The following EIF4G3 variants were observed in gnomAD, a reference collection of about 807,000 sequenced individuals.
EIF4G3 encodes eIF-4-gamma 3.
In EIF4G3, 34 loss-of-function variants were observed where a neutral mutation model predicts 186.4. The ratio of observed to expected loss-of-function variants is 0.18; its 90% CI spans 0.14 to 0.24. The LOEUF is 0.24. Ranked by LOEUF, EIF4G3 falls within the 10% of genes least tolerant of loss-of-function variation. The pLI is 1.00. For missense variants in EIF4G3, 1,536 were observed against 1,948.5 expected, an observed-to-expected ratio of 0.79 and a Z score of 3.99; for synonymous variants, 673 against 679.5, an observed-to-expected ratio of 0.99 and a Z score of 0.15.
intron 29 of EIF4G3, among the ~76,000 whole-genome samples, chr1:20,844,405 T>C (rs1571501377): frequency 6.6e-6 from 1 of 152,208 alleles, no homozygotes; most frequent in Admixed American, 6.5e-5. Context: ...ATCAGTGATA[T>C]TGAGCTTTTT....
intron 12 of EIF4G3, among the ~76,000 whole-genome samples, chr1:20,959,448 G>A (rs1483593363): frequency 6.6e-6 from 1 of 151,710 alleles, no homozygotes; most frequent in Non-Finnish European, 1.5e-5. Flanking sequence ...AGATAACATT[G>A]GAAAAAACTC....
At chr1:21,168,946 G>A (rs2097908048) in intron 2 of EIF4G3, among the ~76,000 whole-genome samples, 1 of 152,142 alleles carries the variant, frequency 6.6e-6, no homozygotes, top group Non-Finnish European at 1.5e-5. Context: ...GGGAGGCCAA[G>A]GTGAGCAGGT....
chr1:21,015,899 C>T (rs560581086), intron 4 of EIF4G3, among the ~76,000 whole-genome samples: 2 of 151,926 alleles, frequency 1.3e-5, no homozygotes, highest in Non-Finnish European at 2.9e-5. Context: ...ATAAGACATG[C>T]CCTACAAGAA....
intron 18 of EIF4G3, among the ~76,000 whole-genome samples, chr1:20,892,119 C>T (rs1445586254): frequency 6.6e-6 from 1 of 152,116 alleles, no homozygotes; most frequent in African/African-American, 2.4e-5. Context: ...TGTTTTCAGA[C>T]AATGTAGTCT....
intron 13 of EIF4G3, among the ~76,000 whole-genome samples, chr1:20,943,967 A>T (rs1216109082): frequency 6.1e-5 from 4 of 65,376 alleles, no homozygotes; most frequent in African/African-American, 2.3e-4. Flanking sequence ...ACTTGTCTTT[A>T]TTTTTTTTGT....
intron 6 of EIF4G3, among the ~76,000 whole-genome samples, chr1:20,998,475 T>C (rs1427372472): frequency 1.3e-5 from 2 of 152,160 alleles, no homozygotes. Context: ...CAAAGAAATG[T>C]AATTCCTCAG....
intron 30 of EIF4G3, among the ~76,000 whole-genome samples, chr1:20,835,300 C>T (rs941608786): frequency 6.6e-6 from 1 of 151,938 alleles, no homozygotes; most frequent in Non-Finnish European, 1.5e-5. Flanking sequence ...AACAATATAC[C>T]ATTCATTACA....
chr1:20,870,707 C>A (rs1030423029), intron 20 of EIF4G3, among the ~76,000 whole-genome samples: 1 of 152,212 alleles, frequency 6.6e-6, no homozygotes, highest in Non-Finnish European at 1.5e-5. Flanking sequence ...GACAACATTT[C>A]TCTTGTCCAC....
Position 20,838,742 on chromosome 1 carries a change from G to A in EIF4G3, c.4061+2114C>T, listed in dbSNP as rs1366809979. Among the ~76,000 whole-genome samples, 3 of 152,110 alleles carry A rather than the reference G, an allele frequency of 2.0e-5. No individual in the cohort carries two copies. The East Asian group carries it at 5.8e-4, about 29-fold the overall frequency. On this transcript the variant is annotated intron_variant, in intron 30 of 36. Transcript: ENST00000602326. ...GTCACCTAGGCTGGAGTGCAGTGGTGTGATCATGGCTTACTGCAGTCTGGA... is the reference window on the plus strand; with the variant it reads ...GTCACCTAGGCTGGAGTGCAGTGGTATGATCATGGCTTACTGCAGTCTGGA...
chr1:21,129,118 GC>G (rs1387428017), intron 2 of EIF4G3, among the ~76,000 whole-genome samples: 1 of 151,700 alleles, frequency 6.6e-6, no homozygotes, highest in Admixed American at 6.6e-5. Flanking sequence ...TTCAAGACCA[GC>G]CTGGCCAACA....
intron 14 of EIF4G3, among the ~76,000 whole-genome samples, chr1:20,932,317 A>G (rs2095347906): frequency 6.6e-6 from 1 of 152,168 alleles, no homozygotes; most frequent in African/African-American, 2.4e-5. Context: ...AACTTTCTCC[A>G]TGTCAGCAAA....
intron 4 of EIF4G3, among the ~76,000 whole-genome samples, chr1:21,024,900 T>TAAA (rs1421695930): frequency 9.0e-6 from 1 of 111,426 alleles, no homozygotes; most frequent in Non-Finnish European, 2.0e-5. Flanking sequence ...AAAAATAAAT[T>TAAA]TAAAAAAAAA....
chr1:21,052,680 G>C (rs897674416), intron 3 of EIF4G3, among the ~76,000 whole-genome samples: 1 of 151,960 alleles, frequency 6.6e-6, no homozygotes. Flanking sequence ...CAACCTCCCT[G>C]CCTGATTCTC....
chr1:21,113,546 A>G (rs2096764987), intron 2 of EIF4G3, among the ~76,000 whole-genome samples: 1 of 152,120 alleles, frequency 6.6e-6, no homozygotes, highest in South Asian at 2.1e-4. Context: ...CTAATCTAAA[A>G]CCAAATGAAT....
At chr1:20,898,465 C>T (rs1394563933) in intron 16 of EIF4G3, among the ~76,000 whole-genome samples, 1 of 152,154 alleles carries the variant, frequency 6.6e-6, no homozygotes, top group Non-Finnish European at 1.5e-5. Context: ...ATTATAAACA[C>T]ATATATAACT....
chr1:20,860,975 G>A (rs997150024), intron 23 of EIF4G3, among the ~76,000 whole-genome samples: 2 of 152,178 alleles, frequency 1.3e-5, no homozygotes, highest in African/African-American at 2.4e-5. Context: ...AGTCAAGGAT[G>A]ACTCATGCTT....
chr1:21,024,430 C>T (rs373967791), intron 4 of EIF4G3, among the ~76,000 whole-genome samples: 4,422 of 152,088 alleles, frequency 0.029, 140 homozygotes, highest in East Asian at 0.14. Flanking sequence ...ATGACAATGG[C>T]GGCTTTGTGG....
chr1:21,040,935 T>C (rs138095672), intron 4 of EIF4G3, among the ~76,000 whole-genome samples: 44 of 152,256 alleles, frequency 2.9e-4, no homozygotes, highest in African/African-American at 1.0e-3. Flanking sequence ...TTCAGGTGTT[T>C]CTGTACCTCA....
In EIF4G3 at chr1:20,950,015, C is replaced by A; in HGVS notation, c.811G>T (p.Asp271Tyr). ...GTCATACACAAACCTTGCTTCTGGTCGCTAGCTGCAGTGACAGGGGTGCTG... is the reference window on the plus strand; with the variant it reads ...GTCATACACAAACCTTGCTTCTGGTAGCTAGCTGCAGTGACAGGGGTGCTG... ...AASTPVTAAS[D>Y]QKQEEKPKPD... The change falls in exon 13 of 37, where the codon GAC (aspartate) becomes TAC (tyrosine). Residue 271 changes from aspartate to tyrosine, a missense_variant. Physicochemically the swap from Asp to Tyr is radical, Grantham distance 160. Around this residue, in one of 11 missense-constraint regions of EIF4G3, gnomAD observed 560 missense variants for 547.8 expected, o/e 1.02. Transcript: ENST00000602326. 1.9e-6 allele frequency: 3 copies of A among 1,613,276 alleles called. No individual in the cohort carries two copies. The South Asian group carries it at 3.3e-5, about 18-fold the overall frequency.
Sources: allele counts gnomAD v4.1 joint callset (sites outside exome capture counted in the v4.1 genomes callset), GRCh38; gene constraint gnomAD v4.1.1; regional missense constraint gnomAD v4.1.1; transcripts MANE v1.5; gene names NCBI Gene and HGNC (gene_info 2026-07-23, HGNC 2026-07-21).